The following CEP76 variants were observed in gnomAD, a reference collection of about 807,000 sequenced individuals.
CEP76 encodes the protein centrosomal protein 76, also known as centrosomal protein of 76 kDa.
Under a neutral mutation model 83.3 loss-of-function variants are expected in CEP76, and 55 were observed. The observed-to-expected ratio is 0.66, with a 90% CI of 0.53 to 0.83. The LOEUF (loss-of-function observed/expected upper bound fraction) is 0.83, where lower values mean the gene tolerates loss of function less well. Among genes scored for constraint, CEP76 ranks in the 40% least tolerant of loss-of-function variants. The pLI is 0.00. For missense variants in CEP76, 694 were observed against 799.5 expected (o/e 0.87, Z 1.59); for synonymous variants, 270 against 274.5 (o/e 0.98, Z 0.16).
chr18:12,702,156 G>A (rs1309567421), intron 1 of CEP76, among the ~76,000 whole-genome samples: 2 of 152,186 alleles, frequency 1.3e-5, no homozygotes, highest in South Asian at 4.1e-4. Context: ...TCTTACAGCA[G>A]AATATAAACC....
rs1324899793 is a variant in CEP76, at chr18:12,686,433, A to G, written c.951T>C (p.Asn317=). The change falls in exon 8 of 12, where the codon AAT becomes AAC. Residue 317 remains asparagine (N), a synonymous_variant. Transcript: ENST00000262127. ...GTTTAACATAGGAACAGACTGGTCT[A>G]TTTATCCCATTTTCATCCTAGGGAA... ...KIFAQDENGI[N]RPVCSYVKPL... is the part of the protein sequence containing the mutation. 6.2e-7 allele frequency: 1 copy of G among 1,609,734 alleles called. No homozygotes were observed. Among genetic ancestry groups the G allele is most frequent in the Non-Finnish European group, 8.5e-7 (1 of 1,178,362 alleles).
At position 12,672,655 on chromosome 18, in the gene CEP76, C is replaced by G. The variant is rs1417759410; in HGVS notation, c.*710G>C. 2.0e-6 allele frequency: 2 copies of G among 982,250 alleles called. No individual in the cohort carries two copies. Among genetic ancestry groups the G allele is most frequent in the East Asian group, 2.3e-4 (2 of 8,858 alleles). 60.8% of individuals were successfully genotyped at this position (982,250 alleles called of 1,614,324 possible). On this transcript the variant is annotated 3_prime_UTR_variant, in exon 12 of 12. Coordinates refer to ENST00000262127, the MANE Select transcript of CEP76 (RefSeq NM_024899.4). ...GATCGACTGCAAGATCACAATTTAT[C>G]AGTATCATAACAAAGAGGTATAATA...
At chr18:12,683,177 TAAAAATACC>T (rs2039410165) in intron 8 of CEP76, among the ~76,000 whole-genome samples, 1 of 44,022 alleles carries the variant, frequency 2.3e-5, no homozygotes, top group Admixed American at 2.1e-4. Flanking sequence ...CCATCTCTAC[TAAAAATACC>T]AAAAAAAAAA....
At chr18:12,694,983 G>A (rs1568029679) in intron 6 of CEP76, among the ~76,000 whole-genome samples, 1 of 151,846 alleles carries the variant, frequency 6.6e-6, no homozygotes, top group Non-Finnish European at 1.5e-5. Flanking sequence ...CCAAAGTGCT[G>A]GGACTACAGG....
chr18:12,699,986 A>C (rs1598667925), intron 2 of CEP76, 81 bp from the exon 3 acceptor site: 5 of 872,872 alleles, frequency 5.7e-6, no homozygotes, highest in Non-Finnish European at 8.6e-6. Context: ...ATGACTAAGC[A>C]CTGAACCTAA....
rs142531446 is a variant in CEP76 at position 12,688,156 on chromosome 18, G to C, written c.934-1706C>G. Among the ~76,000 whole-genome samples, 1,306 of 150,800 alleles carry C rather than the reference G, an allele frequency of 8.7e-3. 28 individuals carry two copies. Among genetic ancestry groups the C allele is most frequent in the African/African-American group, 0.029 (1,201 of 40,956 alleles). ...TGAGGCAGGAGAATGGCATGAATCTGGGAGGCGGAGCTTGCAGTGAGCCGA... is the reference window on the plus strand; with the variant it reads ...TGAGGCAGGAGAATGGCATGAATCTCGGAGGCGGAGCTTGCAGTGAGCCGA... On this transcript the variant is annotated intron_variant, in intron 7 of 11. Transcript: ENST00000262127.
At chr18:12,689,201 A>G (rs1434819179) in intron 7 of CEP76, among the ~76,000 whole-genome samples, 1 of 152,164 alleles carries the variant, frequency 6.6e-6, no homozygotes, top group Non-Finnish European at 1.5e-5. Context: ...TAACGTTTTG[A>G]TTTATAACTA....
Position 12,672,818 on chromosome 18 carries a change from G to A in CEP76, c.*547C>T, listed in dbSNP as rs1598612252. The A allele has an allele frequency of 1.0e-6, 1 of 983,810 alleles. No homozygotes were observed. The highest frequency in any genetic ancestry group is 1.8e-5 in the African/African-American group (1 of 57,134). The allele number at this position is 983,810 out of a possible 1,614,324, so 60.9% of individuals were successfully genotyped here. A position where few individuals can be genotyped will look rare whatever the true frequency, so the allele number is the denominator to read the frequency against. ...TAGTTTTTTCCTACTCTTGCTTCAA[G>A]GTCCAACCATAAATTTCTGGACAGT... On this transcript the variant is annotated 3_prime_UTR_variant, in exon 12 of 12. Transcript: ENST00000262127.
At chr18:12,702,726 G>A (rs1409666852), upstream of CEP76, 2 of 660,514 alleles carry the variant, frequency 3.0e-6, no homozygotes, top group African/African-American at 1.9e-5. Context: ...CTGGAAATGA[G>A]GCCCCGGCGG....
rs1010484998 is a variant in CEP76 at position 12,688,730 on chromosome 18, T to C, written c.934-2280A>G. On this transcript the variant is annotated intron_variant, in intron 7 of 11. Transcript: ENST00000262127. ...TAATTAAAATTTAAAATTCAATTAT[T>C]TTTAGTCATAATAGCCACATTTTGA... Among the ~76,000 whole-genome samples the C allele has an allele frequency of 8.5e-5, 13 of 152,290 alleles. No individual in the cohort carries two copies. In the South Asian group the frequency reaches 2.3e-3, roughly 27 times the overall value.
At chr18:12,672,421 A>G (rs1008318244), downstream of CEP76, among the ~76,000 whole-genome samples, 1 of 152,180 alleles carries the variant, frequency 6.6e-6, no homozygotes, top group Non-Finnish European at 1.5e-5. Flanking sequence ...GAGCCTTACA[A>G]AATTTTTAAA....
At chr18:12,666,915 A>G (rs2038815882) in intron 12 of CEP76, among the ~76,000 whole-genome samples, 1 of 152,162 alleles carries the variant, frequency 6.6e-6, no homozygotes. Flanking sequence ...TGACAAAAAA[A>G]GTAAATCTTA....
At chr18:12,665,985 G>A (rs979926271) in intron 12 of CEP76, among the ~76,000 whole-genome samples, 1 of 144,806 alleles carries the variant, frequency 6.9e-6, no homozygotes, top group African/African-American at 2.5e-5. Flanking sequence ...GTGAGCCACC[G>A]TGCCCGGCCC....
Position 12,673,383 on chromosome 18 carries a change from T to C in CEP76, c.1962A>G (p.Lys654=), listed in dbSNP as rs1285350917. Reference sequence around the variant, plus strand: ...ATTGGCCCTATAATACCGAGCGATATTTACAAGCAAACATGATCCAAACAG... The same window carrying C: ...ATTGGCCCTATAATACCGAGCGATACTTACAAGCAAACATGATCCAAACAG... The part of the protein sequence containing the change: ...ACAVWIMFAC[K]YRSVL Residue 654 remains lysine, a synonymous_variant, in exon 12 of 12, where the codon AAA becomes AAG. Coordinates refer to ENST00000262127, the MANE Select transcript of CEP76 (RefSeq NM_024899.4). The C allele has an allele frequency of 6.2e-7, 1 of 1,605,844 alleles. No individual in the cohort carries two copies. The highest frequency in any genetic ancestry group is 1.3e-5 in the African/African-American group (1 of 74,228).
Position 12,678,383 on chromosome 18 carries a change from A to G in CEP76, c.1349T>C (p.Leu450Pro), listed in dbSNP as rs1181197707. The G allele has an allele frequency of 6.8e-6, 11 of 1,614,058 alleles. No individual in the cohort carries two copies. In the African/African-American group the frequency reaches 1.5e-4, roughly 22 times the overall value. Residue 450 changes from leucine to proline, a missense_variant, in exon 10 of 12, where the codon CTG (leucine) becomes CCG (proline). Transcript: ENST00000262127. ...EPPVAEQPKPLYPYRTIGCVF... is the reference protein window; with the variant it reads ...EPPVAEQPKPPYPYRTIGCVF... ...ACAACCAATTGTTCGATATGGGTAC[A>G]GTGGTTTGGGCTGTTCAGCAACTGG...
chr18:12,687,202 A>T (rs1462579447), intron 7 of CEP76, among the ~76,000 whole-genome samples: 38 of 152,138 alleles, frequency 2.5e-4, no homozygotes, highest in Admixed American at 2.4e-3. Context: ...ACCCTCCCTG[A>T]TAGGGTTCCT....
Position 12,699,059 on chromosome 18 carries a change from A to G in CEP76, c.440T>C (p.Phe147Ser). The G allele has an allele frequency of 6.2e-7, 1 of 1,614,134 alleles. No homozygotes were observed. The highest frequency in any genetic ancestry group is 8.5e-7 in the Non-Finnish European group (1 of 1,179,994). Residue 147 changes from phenylalanine to serine, a missense_variant, in exon 4 of 12, where the codon TTT becomes TCT. Phe to Ser is a radical substitution (Grantham distance 155). Transcript: ENST00000262127. ...TLCLHYRNQR[F>S]RSKPVPCACE... ...GGCACATGGAACAGGTTTAGAACGA[A>G]AACGTTGGTTTCGATAATGTAAACA...
downstream of CEP76, among the ~76,000 whole-genome samples, chr18:12,669,456 C>G (rs747003071): frequency 5.9e-5 from 9 of 151,960 alleles, no homozygotes; most frequent in South Asian, 6.3e-4. Context: ...CTATGTTGAC[C>G]AGGCTGTGCT....
intron 12 of CEP76, chr18:12,664,994 C>T (rs1357863985): frequency 6.6e-6 from 1 of 152,106 alleles, no homozygotes; most frequent in Non-Finnish European, 1.5e-5. Context: ...CCGATCTATC[C>T]TAATCTTTAT....
Sources: gnomAD v4.1 joint callset for allele counts (sites outside exome capture counted in the v4.1 genomes callset) on GRCh38, gnomAD v4.1.1 for gene constraint, MANE v1.5 for transcripts, NCBI Gene and HGNC (gene_info 2026-07-23, HGNC 2026-07-21) for gene names.